ADAM7: variants seen among roughly 807,000 people sequenced by gnomAD.
ADAM7 encodes ADAM metallopeptidase domain 7.
Under a neutral mutation model 102.9 loss-of-function variants are expected in ADAM7, and 97 were observed. That is an observed-to-expected ratio of 0.94 (90% CI 0.80 to 1.12). The LOEUF (loss-of-function observed/expected upper bound fraction) is 1.12, where lower values mean the gene tolerates loss of function less well. Among genes scored for constraint, ADAM7 ranks in the 50% most tolerant of loss-of-function variants. The pLI is 0.00. For synonymous variants in ADAM7, 334 were observed against 304.4 expected (o/e 1.10, Z -1.01); for missense variants, 991 against 908.7 (o/e 1.09, Z -1.16).
At chr8:24,502,963 A>G (rs1052711722) in intron 20 of ADAM7, among the ~76,000 whole-genome samples, 5 of 152,156 alleles carry the variant, frequency 3.3e-5, no homozygotes, top group African/African-American at 1.2e-4. Context: ...TAGGTGCATG[A>G]ATTATTATTA....
At chr8:24,473,775 A>G (rs558828645) in intron 7 of ADAM7, among the ~76,000 whole-genome samples, 1 of 152,330 alleles carries the variant, frequency 6.6e-6, no homozygotes, top group East Asian at 1.9e-4. Flanking sequence ...AGATATATCC[A>G]TAAAAATTTA....
intron 2 of ADAM7, among the ~76,000 whole-genome samples, chr8:24,444,363 A>AG (rs1460430872): frequency 6.6e-6 from 1 of 151,948 alleles, no homozygotes; most frequent in East Asian, 1.9e-4. Context: ...TGTCCTCTCC[A>AG]GGGGGTGGAA....
intron 11 of ADAM7, 137 bp downstream of exon 11, chr8:24,487,454 C>G: frequency 1.8e-6 from 2 of 1,090,000 alleles, no homozygotes; most frequent in South Asian, 3.7e-5. Flanking sequence ...CGAGACCAGC[C>G]TGGCCAACAT....
chr8:24,489,668 T>A (rs1484887702), intron 12 of ADAM7, among the ~76,000 whole-genome samples: 1 of 152,110 alleles, frequency 6.6e-6, no homozygotes, highest in African/African-American at 2.4e-5. Context: ...CTCTACAAAA[T>A]CTCTTACTCA....
chr8:24,450,656 A>C (rs964927345), intron 3 of ADAM7, among the ~76,000 whole-genome samples: 3 of 151,898 alleles, frequency 2.0e-5, no homozygotes, highest in Non-Finnish European at 1.5e-5. Context: ...TCTCCTGCCT[A>C]ATTGCCCTGG....
rs1468364628 is a variant in ADAM7 at position 24,467,015 on chromosome 8, C to G, written c.579+27C>G. The G allele has an allele frequency of 3.8e-6, 6 of 1,568,868 alleles. No homozygotes were observed. In the East Asian group the frequency reaches 1.1e-4, roughly 30 times the overall value. On this transcript the variant is annotated intron_variant, in intron 6 of 21. Coordinates refer to ENST00000175238, the MANE Select transcript of ADAM7 (RefSeq NM_003817.4). ...TGAGTACTTTATTATTATCTTTACC[C>G]CAAATGAAACACCTTTTATTTTCTT...
At chr8:24,492,732 G>A in intron 15 of ADAM7, 135 bp downstream of exon 15, 1 of 631,738 alleles carries the variant, frequency 1.6e-6, no homozygotes, top group Non-Finnish European at 2.7e-6. Flanking sequence ...GGAAATCTTG[G>A]TGTCCTGATT....
At chr8:24,476,335 AT>A (rs60628806) in intron 7 of ADAM7, 97 bp from the exon 8 acceptor site, 1 of 843,406 alleles carries the variant, frequency 1.2e-6, no homozygotes, top group Non-Finnish European at 1.8e-6. Context: ...TAGGCCAATG[AT>A]TTTTTTCTTT....
chr8:24,508,417 A>G (rs1272214657), intron 21 of ADAM7, 129 bp from the exon 22 acceptor site: 3 of 882,436 alleles, frequency 3.4e-6, no homozygotes, highest in African/African-American at 3.4e-5. Context: ...CTATAAAAGC[A>G]TGAATAAATG....
chr8:24,455,681 C>T (rs1000552245), intron 3 of ADAM7, among the ~76,000 whole-genome samples: 5 of 152,358 alleles, frequency 3.3e-5, no homozygotes, highest in African/African-American at 9.6e-5. Context: ...GCTAGGATTA[C>T]AGGCATGCAC....
chr8:24,445,943 T>C (rs1818542135), intron 2 of ADAM7, among the ~76,000 whole-genome samples: 1 of 152,170 alleles, frequency 6.6e-6, no homozygotes, highest in Non-Finnish European at 1.5e-5. Context: ...GCACAGTCCT[T>C]GCATTTCTCC....
chr8:24,455,161 C>A (rs1818983044), intron 3 of ADAM7, among the ~76,000 whole-genome samples: 1 of 151,998 alleles, frequency 6.6e-6, no homozygotes, highest in Admixed American at 6.6e-5. Context: ...AATTTTAACA[C>A]ACAGAGCAGA....
Position 24,501,609 on chromosome 8 carries a change from T to C in ADAM7, c.2208+33T>C, listed in dbSNP as rs758437429. ...ACTTCCATTTGCAACAGTTAATTTATTGATTTTTTTTTTTTAAGTAGCTGA... is the reference window on the plus strand; with the variant it reads ...ACTTCCATTTGCAACAGTTAATTTACTGATTTTTTTTTTTTAAGTAGCTGA... On this transcript the variant is annotated intron_variant, in intron 20 of 21. Transcript: ENST00000175238. The C allele has an allele frequency of 2.1e-5, 32 of 1,520,982 alleles. No homozygotes were observed. The Middle Eastern group carries it at 1.0e-3, about 50-fold the overall frequency. The allele number at this position is 1,520,982 out of a possible 1,614,324, so 94.2% of individuals were successfully genotyped here.
intron 8 of ADAM7, 42 bp downstream of exon 8, chr8:24,476,546 A>AT: frequency 6.7e-7 from 1 of 1,493,328 alleles, no homozygotes; most frequent in Non-Finnish European, 9.3e-7. Flanking sequence ...AATAATACGA[A>AT]TGCAAAGAAC....
chr8:24,475,895 G>T (rs1819752795), intron 7 of ADAM7: 1 of 456,292 alleles, frequency 2.2e-6, no homozygotes. Flanking sequence ...GACTGGACAT[G>T]AAAAGTCTGG....
intron 7 of ADAM7, among the ~76,000 whole-genome samples, chr8:24,470,941 A>C (rs1819581950): frequency 6.6e-6 from 1 of 152,146 alleles, no homozygotes; most frequent in African/African-American, 2.4e-5. Context: ...TTGTTATCAG[A>C]GGAGGCGGCA....
Position 24,499,217 on chromosome 8 carries a change from T to G in ADAM7, c.1843-19T>G. 6.4e-7 allele frequency: 1 copy of G among 1,555,016 alleles called. No homozygotes were observed. Among genetic ancestry groups the G allele is most frequent in the Non-Finnish European group, 8.7e-7 (1 of 1,150,104 alleles). Reference sequence around the variant, plus strand: ...AATTGTAAGTCATTTTAATTCATGCTTGGTTACTTCATTTCTAGGTGTGCA... The same window carrying G: ...AATTGTAAGTCATTTTAATTCATGCGTGGTTACTTCATTTCTAGGTGTGCA... On this transcript the variant is annotated intron_variant, in intron 16 of 21. Coordinates refer to ENST00000175238, the MANE Select transcript of ADAM7 (RefSeq NM_003817.4).
At position 24,508,776 on chromosome 8, in the gene ADAM7, T is replaced by G. The variant is rs1263026227; in HGVS notation, c.*230T>G. ...TATGCTGCAGAAAAAAAATGTCTTG[T>G]GGTCTTTCAAATGCTCTTTAGCACA... On this transcript the variant is annotated 3_prime_UTR_variant, in exon 22 of 22. Transcript: ENST00000175238. The G allele has an allele frequency of 4.4e-6, 6 of 1,353,452 alleles. No individual in the cohort carries two copies. The South Asian group carries it at 1.2e-4, about 28-fold the overall frequency. 83.8% of individuals were successfully genotyped at this position (1,353,452 alleles called of 1,614,324 possible).
intron 9 of ADAM7, among the ~76,000 whole-genome samples, chr8:24,484,555 T>C (rs866606007): frequency 6.6e-6 from 1 of 152,184 alleles, no homozygotes; most frequent in African/African-American, 2.4e-5. Context: ...TGATTAAAAG[T>C]CTTAACATTT....
Sources: allele counts gnomAD v4.1 joint callset (sites outside exome capture counted in the v4.1 genomes callset), GRCh38; gene constraint gnomAD v4.1.1; transcripts MANE v1.5; gene names NCBI Gene and HGNC (gene_info 2026-07-23, HGNC 2026-07-21).